Variants in TRIM42 observed in about 807,000 individuals in gnomAD.
The protein encoded by TRIM42 is tripartite motif containing 42.
Under a neutral mutation model 64.9 loss-of-function variants are expected in TRIM42, and 59 were observed. That is an observed-to-expected ratio of 0.91 (90% confidence interval 0.74 to 1.13). The LOEUF is 1.13. Among genes scored for constraint, TRIM42 ranks in the 50% most tolerant of loss-of-function variants. TRIM42 has a pLI of 0.00. For missense variants in TRIM42, 878 were observed against 929.5 expected (o/e 0.94, Z 0.72); for synonymous variants, 354 against 346.3 (o/e 1.02, Z -0.25).
intron 1 of TRIM42, among the ~76,000 whole-genome samples, chr3:140,680,917 C>G (rs1420058552): frequency 6.6e-6 from 1 of 152,130 alleles, no homozygotes; most frequent in Non-Finnish European, 1.5e-5. Flanking sequence ...ATAAGGAATG[C>G]AAGAAGACAA....
chr3:140,687,570 C>G, intron 2 of TRIM42, 152 bp from the exon 3 acceptor site: 1 of 619,164 alleles, frequency 1.6e-6, no homozygotes, highest in Non-Finnish European at 2.8e-6. Context: ...TTTCATAAAC[C>G]TATTCCAGCC....
rs1988584546 is a variant in TRIM42, at chr3:140,687,790, G to A, written c.1108G>A (p.Glu370Lys). The A allele has an allele frequency of 1.2e-6, 2 of 1,614,142 alleles. No individual in the cohort carries two copies. The highest frequency in any genetic ancestry group is 1.7e-6 in the Non-Finnish European group (2 of 1,180,010). Residue 370 changes from glutamate to lysine, a missense_variant, in exon 3 of 5, where the codon GAG becomes AAG. Physicochemically the swap from Glu to Lys is moderately conservative, Grantham distance 56. Coordinates refer to ENST00000286349, the MANE Select transcript of TRIM42 (RefSeq NM_152616.5). ...AAAAAACAGCTTTAAAGCTGACAAG[G>A]AGGCAAAGCGAAAAGAGATCAGAAA... ...ILKNSFKADK[E>K]AKRKEIRNGF...
chr3:140,694,359 C>T (rs748481897), intron 4 of TRIM42, among the ~76,000 whole-genome samples: 80 of 152,334 alleles, frequency 5.3e-4, no homozygotes, highest in Non-Finnish European at 1.1e-3. Flanking sequence ...AAGCTTCTAA[C>T]ATCAAAGAGC....
chr3:140,698,648 A>C (rs1988918875), intron 4 of TRIM42, among the ~76,000 whole-genome samples: 1 of 152,206 alleles, frequency 6.6e-6, no homozygotes, highest in African/African-American at 2.4e-5. Flanking sequence ...TGTTGATATT[A>C]TGAAAGTTAT....
intron 2 of TRIM42, among the ~76,000 whole-genome samples, chr3:140,683,770 C>A (rs1411081734): frequency 1.3e-5 from 2 of 152,130 alleles, no homozygotes; most frequent in Admixed American, 6.5e-5. Flanking sequence ...TCTTAACTAG[C>A]CAATAGCATT....
chr3:140,700,764 C>T lies in TRIM42; in HGVS notation c.2086-124C>T, dbSNP rs1418451165. On this transcript the variant is annotated intron_variant, in intron 4 of 4. Transcript: ENST00000286349. ...TTCTTCATCTATAAAGTGGCACCAACAGCCACTGTGGTGGTCGTGAGGAGT... is the reference window on the plus strand; with the variant it reads ...TTCTTCATCTATAAAGTGGCACCAATAGCCACTGTGGTGGTCGTGAGGAGT... The T allele has an allele frequency of 3.8e-6, 3 of 797,210 alleles. No individual in the cohort carries two copies. The African/African-American group carries it at 5.3e-5, about 14-fold the overall frequency. 49.4% of individuals were successfully genotyped at this position (797,210 alleles called of 1,614,324 possible).
Position 140,691,096 on chromosome 3 carries a change from T to C in TRIM42, c.1989T>C (p.Asn663=), listed in dbSNP as rs199879197. ...CGQIRDIMQQ[N]LELHNLTPNT... ...AAATTCGGGACATAATGCAGCAAAA[T>C]CTGGAGCTGCACAACCTGACCCCCA... Residue 663 remains asparagine (N), a synonymous_variant, in exon 4 of 5, where the codon AAT becomes AAC. Transcript: ENST00000286349. 121 of 1,613,976 alleles carry C rather than the reference T, an allele frequency of 7.5e-5. 1 individual carries two copies. In the Middle Eastern group the frequency reaches 2.8e-3, roughly 37 times the overall value.
intron 2 of TRIM42, 25 bp from the exon 3 acceptor site, chr3:140,687,697 A>G: frequency 1.3e-6 from 2 of 1,562,710 alleles, no homozygotes; most frequent in Non-Finnish European, 1.7e-6. Context: ...AAATTTTAAA[A>G]GTAACTAACT....
chr3:140,700,006 C>A (rs967974143), intron 4 of TRIM42, among the ~76,000 whole-genome samples: 2 of 152,170 alleles, frequency 1.3e-5, no homozygotes, highest in Non-Finnish European at 2.9e-5. Flanking sequence ...ACAAACCCCA[C>A]CCCCATTCTA....
At chr3:140,699,627 A>G (rs1405041044) in intron 4 of TRIM42, among the ~76,000 whole-genome samples, 1 of 152,168 alleles carries the variant, frequency 6.6e-6, no homozygotes, top group Non-Finnish European at 1.5e-5. Flanking sequence ...TTTAAAGCAA[A>G]AACTCAATCT....
chr3:140,694,161 A>G (rs1316760846), intron 4 of TRIM42, among the ~76,000 whole-genome samples: 1 of 152,198 alleles, frequency 6.6e-6, no homozygotes, highest in Non-Finnish European at 1.5e-5. Context: ...TTACTCTGGG[A>G]GAATGATGTC....
intron 4 of TRIM42, among the ~76,000 whole-genome samples, chr3:140,695,299 T>C (rs943634516): frequency 1.3e-5 from 2 of 152,132 alleles, no homozygotes; most frequent in African/African-American, 4.8e-5. Flanking sequence ...CCCTTTGCTA[T>C]GTGTGTAACC....
At chr3:140,695,013 G>C (rs956096578) in intron 4 of TRIM42, among the ~76,000 whole-genome samples, 3 of 152,166 alleles carry the variant, frequency 2.0e-5, no homozygotes, top group Non-Finnish European at 4.4e-5. Flanking sequence ...GGGAGGCTGA[G>C]GGAGGAGAAT....
Position 140,687,915 on chromosome 3 carries a change from A to T in TRIM42, c.1233A>T (p.Lys411Asn), listed in dbSNP as rs775309531. Residue 411 changes from lysine (K) to asparagine (N), a missense_variant, in exon 3 of 5, where the codon AAA becomes AAT. Transcript: ENST00000286349. Reference sequence around the variant, plus strand: ...TGTCCAGGCAGAAGGAAATTGAAAAATATGTGTATGTTACAACCATGAAAG... The same window carrying T: ...TGTCCAGGCAGAAGGAAATTGAAAATTATGTGTATGTTACAACCATGAAAG... ...LEVSRQKEIE[K>N]YVYVTTMKVN... 1.5e-5 allele frequency: 24 copies of T among 1,614,092 alleles called. No homozygotes were observed. The Admixed American group carries it at 2.5e-4, about 17-fold the overall frequency.
intron 4 of TRIM42, among the ~76,000 whole-genome samples, chr3:140,699,590 C>G (rs1302963511): frequency 6.6e-6 from 1 of 152,152 alleles, no homozygotes; most frequent in Non-Finnish European, 1.5e-5. Context: ...CACATACAGT[C>G]TTTATCTTTG....
intron 3 of TRIM42, among the ~76,000 whole-genome samples, chr3:140,689,736 C>A (rs1440569136): frequency 6.6e-6 from 1 of 151,162 alleles, no homozygotes; most frequent in Non-Finnish European, 1.5e-5. Flanking sequence ...GTGTTTCTGC[C>A]CTTCACATAA....
chr3:140,680,274 T>C (rs1988341700), intron 1 of TRIM42, among the ~76,000 whole-genome samples: 1 of 152,120 alleles, frequency 6.6e-6, no homozygotes, highest in Admixed American at 6.5e-5. Flanking sequence ...GCCTCTCTCC[T>C]GGCTTCTGAC....
intron 3 of TRIM42, among the ~76,000 whole-genome samples, chr3:140,689,439 C>T (rs1424282986): frequency 6.6e-6 from 1 of 152,128 alleles, no homozygotes; most frequent in Admixed American, 6.5e-5. Flanking sequence ...AGTTCTCAAA[C>T]ATTGATGTGC....
chr3:140,695,055 G>C (rs976730979), intron 4 of TRIM42, among the ~76,000 whole-genome samples: 2 of 151,990 alleles, frequency 1.3e-5, no homozygotes, highest in Admixed American at 1.3e-4. Flanking sequence ...GACCAGACTG[G>C]GCAACATGGC....
Sources: allele counts gnomAD v4.1 joint callset (sites outside exome capture counted in the v4.1 genomes callset), GRCh38; gene constraint gnomAD v4.1.1; transcripts MANE v1.5; gene names NCBI Gene and HGNC (gene_info 2026-07-23, HGNC 2026-07-21).